The following GATA4 variants were observed in gnomAD, a reference collection of about 807,000 sequenced individuals.
GATA4 encodes the protein GATA binding protein 4.
GATA4 carries 7 observed loss-of-function variants against 37.9 expected under a neutral mutation model. That is an observed-to-expected ratio of 0.18 (90% CI 0.11 to 0.35). The LOEUF (loss-of-function observed/expected upper bound fraction) is 0.35, where lower values mean the gene tolerates loss of function less well. GATA4 is among the 10% of genes least tolerant of loss of function. The pLI, the probability that GATA4 is intolerant of heterozygous loss-of-function variation, is 1.00. For missense variants in GATA4, 647 were observed against 653.0 expected, an observed-to-expected ratio of 0.99 and a Z score of 0.10; for synonymous variants, 372 against 292.6, an observed-to-expected ratio of 1.27 and a Z score of -2.77.
intron 2 of GATA4, among the ~76,000 whole-genome samples, chr8:11,718,298 G>A (rs1202453125): frequency 6.6e-6 from 1 of 152,226 alleles, no homozygotes; most frequent in African/African-American, 2.4e-5. Flanking sequence ...TCAGAATTGA[G>A]CCACGATATT....
At chr8:11,746,524 TA>T (rs1315150100) in intron 2 of GATA4, among the ~76,000 whole-genome samples, 1 of 152,212 alleles carries the variant, frequency 6.6e-6, no homozygotes, top group African/African-American at 2.4e-5. Context: ...ACCCAGTGTT[TA>T]TTGCGAACAC....
At chr8:11,745,040 G>C (rs1204183527) in intron 2 of GATA4, among the ~76,000 whole-genome samples, 3 of 152,226 alleles carry the variant, frequency 2.0e-5, no homozygotes, top group Non-Finnish European at 4.4e-5. Flanking sequence ...ATCTATCAGA[G>C]TGATTAAATA....
chr8:11,715,604 G>A (rs1317930647), intron 2 of GATA4, among the ~76,000 whole-genome samples: 2 of 152,038 alleles, frequency 1.3e-5, no homozygotes, highest in Non-Finnish European at 2.9e-5. Context: ...AGCTGGGCAT[G>A]GTGGCACGTG....
chr8:11,688,672 G>C (rs756903580), upstream of GATA4, among the ~76,000 whole-genome samples: 2 of 152,178 alleles, frequency 1.3e-5, no homozygotes, highest in Non-Finnish European at 2.9e-5. Flanking sequence ...GGTGTGACTA[G>C]GGGAGCCACA....
In GATA4 at chr8:11,707,448, G is replaced by A. The variant is rs1288598697; in HGVS notation, c.-457-408G>A. 6.6e-6 allele frequency among the ~76,000 whole-genome samples: 1 copy of A among 152,080 alleles called. No individual in the cohort carries two copies. Among genetic ancestry groups the A allele is most frequent in the African/African-American group, 2.4e-5 (1 of 41,408 alleles). On this transcript the variant is annotated intron_variant, in intron 1 of 6. Transcript: ENST00000532059. This position sits in a 1 kb window ranked among gnomAD's most constrained non-coding sequence, Gnocchi z 4.7. ...TCCCCATCTTTCTTGGGGAGAGATG[G>A]GGAACAGAGGAGATGAGAGATTTCT...
chr8:11,689,950 G>T (rs1335566966), upstream of GATA4, among the ~76,000 whole-genome samples: 2 of 152,236 alleles, frequency 1.3e-5, no homozygotes, highest in East Asian at 1.9e-4. Flanking sequence ...AGGGAACCTT[G>T]TCCTGGCTGT....
chr8:11,747,605 T>G (rs1802094919), intron 2 of GATA4, among the ~76,000 whole-genome samples: 1 of 152,198 alleles, frequency 6.6e-6, no homozygotes, highest in South Asian at 2.1e-4. Flanking sequence ...GCAGGACAGT[T>G]AGCAAATTCC....
At chr8:11,741,484 A>AG (rs1801735927) in intron 2 of GATA4, among the ~76,000 whole-genome samples, 1 of 151,364 alleles carries the variant, frequency 6.6e-6, no homozygotes, top group South Asian at 2.1e-4. Context: ...ATTGAAAAAA[A>AG]CAAACAAACA....
intron 2 of GATA4, among the ~76,000 whole-genome samples, chr8:11,742,832 A>G (rs1005080041): frequency 5.3e-5 from 8 of 152,254 alleles, no homozygotes; most frequent in Admixed American, 3.9e-4. Context: ...TCCAGGCTCC[A>G]TCTCTGGTGA....
At chr8:11,753,042 G>T (rs147398140) in intron 4 of GATA4, among the ~76,000 whole-genome samples, 1 of 152,240 alleles carries the variant, frequency 6.6e-6, no homozygotes, top group Non-Finnish European at 1.5e-5. Context: ...ATGATCCAGC[G>T]TACCATTTCT....
chr8:11,686,205 G>A (rs1452726384), intron 1 of GATA4, among the ~76,000 whole-genome samples: 21 of 138,362 alleles, frequency 1.5e-4, no homozygotes, highest in African/African-American at 5.7e-5. Context: ...AAAAGATCTT[G>A]TACTGGGTCT....
At chr8:11,738,764 A>G (rs1331171918) in intron 2 of GATA4, among the ~76,000 whole-genome samples, 3 of 152,182 alleles carry the variant, frequency 2.0e-5, no homozygotes, top group African/African-American at 7.2e-5. Context: ...CTTCCCATCA[A>G]TGCCCAGGGT....
upstream of GATA4, chr8:11,692,533 G>A: frequency 1.0e-6 from 1 of 985,436 alleles, no homozygotes. Context: ...ATGCTCATGC[G>A]GATCTAGATT....
Position 11,686,845 on chromosome 8 carries a change from A to C in GATA4, c.-274+9782A>C, listed in dbSNP as rs1585552992. Among the ~76,000 whole-genome samples, 3 of 152,196 alleles carry C rather than the reference A, an allele frequency of 2.0e-5. No homozygotes were observed. The East Asian group carries it at 5.8e-4, about 29-fold the overall frequency. ...AAACCCCGTTTCTACTAAAAATACA[A>C]AAATTACCTGGGCATGGTGGGGCGC... On this transcript the variant is annotated intron_variant, in intron 1 of 6. Transcript: ENST00000528712.
chr8:11,736,147 G>A (rs998669723), intron 2 of GATA4, among the ~76,000 whole-genome samples: 4 of 152,010 alleles, frequency 2.6e-5, no homozygotes, highest in Admixed American at 2.0e-4. Context: ...CTGAGCTCAA[G>A]CCATACTCCG....
upstream of GATA4, among the ~76,000 whole-genome samples, chr8:11,702,302 G>T (rs555541045): frequency 1.2e-3 from 182 of 152,100 alleles, no homozygotes; most frequent in African/African-American, 4.3e-3. This position sits in a 1 kb window ranked among gnomAD's most constrained non-coding sequence, Gnocchi z 4.4. Context: ...TTTAAGGGTC[G>T]CGCGTGGGAG....
At chr8:11,701,534 C>G (rs1799676544), upstream of GATA4, among the ~76,000 whole-genome samples, 1 of 152,188 alleles carries the variant, frequency 6.6e-6, no homozygotes, top group South Asian at 2.1e-4. Flanking sequence ...GCTCCCCGCT[C>G]CTGGCAACGC....
intron 5 of GATA4, chr8:11,756,395 T>G (rs1420833641): frequency 1.1e-5 from 2 of 187,054 alleles, no homozygotes; most frequent in East Asian, 1.3e-4. Context: ...TGGGTAACCT[T>G]ATTTCCTCTC....
upstream of GATA4, among the ~76,000 whole-genome samples, chr8:11,688,756 G>T (rs1409610170): frequency 6.6e-6 from 1 of 152,180 alleles, no homozygotes; most frequent in Non-Finnish European, 1.5e-5. Context: ...TGAGAATAGT[G>T]TTAGGAAAAT....
Sources: allele counts gnomAD v4.1 joint callset (sites outside exome capture counted in the v4.1 genomes callset), GRCh38; gene constraint gnomAD v4.1.1; non-coding constraint Gnocchi (gnomAD v3.1); transcripts MANE v1.5; gene names NCBI Gene and HGNC (gene_info 2026-07-23, HGNC 2026-07-21).